The following DLGAP1 variants were observed in gnomAD, a reference collection of about 807,000 sequenced individuals.
The protein encoded by DLGAP1 is DLG associated protein 1, also known as disks large-associated protein 1.
In DLGAP1, 11 loss-of-function variants were observed where a neutral mutation model predicts 90.8. The ratio of observed to expected loss-of-function variants is 0.12; its 90% CI spans 0.08 to 0.20. The LOEUF is 0.20. Among genes scored for constraint, DLGAP1 ranks in the 10% least tolerant of loss-of-function variants. DLGAP1 has a pLI of 1.00. For synonymous variants in DLGAP1, 558 were observed against 540.7 expected, an observed-to-expected ratio of 1.03 and a Z score of -0.44; for missense variants, 1,050 against 1,333.8, an observed-to-expected ratio of 0.79 and a Z score of 3.31.
chr18:4,393,728 G>A (rs966343768), intron 1 of DLGAP1, among the ~76,000 whole-genome samples: 23 of 152,190 alleles, frequency 1.5e-4, no homozygotes, highest in East Asian at 7.7e-4. Flanking sequence ...CAACCCTTTC[G>A]GCACCAGGGA....
chr18:4,357,013 T>C (rs534158707), intron 1 of DLGAP1, among the ~76,000 whole-genome samples: 1 of 152,212 alleles, frequency 6.6e-6, no homozygotes, highest in South Asian at 2.1e-4. Context: ...AATTCTTATC[T>C]TTCCACGCCT....
intron 1 of DLGAP1, among the ~76,000 whole-genome samples, chr18:4,363,410 A>T (rs1424528984): frequency 6.6e-6 from 1 of 152,198 alleles, no homozygotes; most frequent in African/African-American, 2.4e-5. Flanking sequence ...TTAAACATAC[A>T]CTGTAATAAT....
intron 1 of DLGAP1, among the ~76,000 whole-genome samples, chr18:4,197,949 C>T (rs1367189158): frequency 2.6e-5 from 4 of 152,086 alleles, no homozygotes; most frequent in African/African-American, 9.7e-5. Context: ...TGGCCAGGCG[C>T]GGTGGCTCAC....
At chr18:4,340,261 G>C (rs2081161881) in intron 1 of DLGAP1, among the ~76,000 whole-genome samples, 1 of 152,160 alleles carries the variant, frequency 6.6e-6, no homozygotes, top group Non-Finnish European at 1.5e-5. Flanking sequence ...TGGCTACTGA[G>C]GGACTAATGG....
intron 7 of DLGAP1, among the ~76,000 whole-genome samples, chr18:3,677,106 G>T (rs1343071544): frequency 6.6e-6 from 1 of 152,076 alleles, no homozygotes; most frequent in Non-Finnish European, 1.5e-5. Flanking sequence ...CATCCTCTGA[G>T]ATTTCAACAT....
intron 10 of DLGAP1, among the ~76,000 whole-genome samples, chr18:3,514,200 G>T (rs971841676): frequency 7.3e-5 from 11 of 150,402 alleles, no homozygotes; most frequent in African/African-American, 2.4e-4. Context: ...TCCAACTCCC[G>T]AGTTCAAGTG....
intron 7 of DLGAP1, among the ~76,000 whole-genome samples, chr18:3,688,839 G>T (rs2060798864): frequency 2.0e-5 from 3 of 152,036 alleles, no homozygotes. Flanking sequence ...CTTTCATCCG[G>T]CCTCCTTTCT....
chr18:4,209,673 T>C (rs1340164319), intron 1 of DLGAP1, among the ~76,000 whole-genome samples: 1 of 152,212 alleles, frequency 6.6e-6, no homozygotes, highest in African/African-American at 2.4e-5. Context: ...TAAAGCAGGA[T>C]ACTACATTAC....
intron 5 of DLGAP1, among the ~76,000 whole-genome samples, chr18:3,774,992 A>T (rs2064873623): frequency 6.6e-6 from 1 of 152,130 alleles, no homozygotes; most frequent in African/African-American, 2.4e-5. Context: ...TCGCAGGAAG[A>T]AAGACTGAAG....
chr18:3,637,054 C>T (rs2058746198), intron 7 of DLGAP1, among the ~76,000 whole-genome samples: 1 of 152,080 alleles, frequency 6.6e-6, no homozygotes, highest in Non-Finnish European at 1.5e-5. Context: ...GTTCATATGT[C>T]TTTCTAAGGA....
chr18:3,936,973 CT>C (rs1038489539), intron 3 of DLGAP1, among the ~76,000 whole-genome samples: 1 of 152,142 alleles, frequency 6.6e-6, no homozygotes, highest in African/African-American at 2.4e-5. Flanking sequence ...CTCCTTGGCT[CT>C]TATTTAAAAC....
intron 1 of DLGAP1, among the ~76,000 whole-genome samples, chr18:4,334,605 C>A (rs1271895101): frequency 1.3e-5 from 2 of 151,752 alleles, no homozygotes; most frequent in Non-Finnish European, 2.9e-5. Flanking sequence ...ACATGTCATG[C>A]AAATGAACTT....
At chr18:4,090,066 C>T (rs1369459197) in intron 2 of DLGAP1, among the ~76,000 whole-genome samples, 3 of 151,922 alleles carry the variant, frequency 2.0e-5, no homozygotes, top group Non-Finnish European at 4.4e-5. Flanking sequence ...AGAAACTGGA[C>T]CCCTTCCTTA....
chr18:4,301,251 C>G (rs553139181), intron 1 of DLGAP1, among the ~76,000 whole-genome samples: 43 of 152,254 alleles, frequency 2.8e-4, no homozygotes, highest in Non-Finnish European at 5.6e-4. Flanking sequence ...TTCCTCCTAT[C>G]TAACTGAGGC....
intron 2 of DLGAP1, among the ~76,000 whole-genome samples, chr18:4,029,034 A>G (rs1237540872): frequency 1.3e-5 from 2 of 152,116 alleles, no homozygotes; most frequent in Non-Finnish European, 2.9e-5. Flanking sequence ...CCTTCTCCAT[A>G]GTAACCACTC....
intron 2 of DLGAP1, among the ~76,000 whole-genome samples, chr18:4,038,167 C>T (rs187687402): frequency 7.2e-5 from 11 of 152,272 alleles, no homozygotes; most frequent in African/African-American, 2.6e-4. Context: ...TGCAGAGAAT[C>T]AGTCCTATAT....
chr18:4,067,910 C>T (rs2143413980), intron 2 of DLGAP1, among the ~76,000 whole-genome samples: 1 of 152,148 alleles, frequency 6.6e-6, no homozygotes, highest in African/African-American at 2.4e-5. Context: ...GACCAACCAC[C>T]TTGGTTGTAT....
chr18:4,371,932 AG>A (rs1446455692), intron 1 of DLGAP1, among the ~76,000 whole-genome samples: 7 of 152,228 alleles, frequency 4.6e-5, no homozygotes, highest in Non-Finnish European at 1.0e-4. Flanking sequence ...CTTAACCTAA[AG>A]TAATGTATCT....
intron 1 of DLGAP1, among the ~76,000 whole-genome samples, chr18:4,305,407 G>A (rs928607135): frequency 2.6e-5 from 4 of 151,676 alleles, no homozygotes; most frequent in African/African-American, 4.8e-5. Context: ...GGTGGCACGC[G>A]CCTGTAGTCC....
Sources: allele counts gnomAD v4.1 joint callset (sites outside exome capture counted in the v4.1 genomes callset), GRCh38; gene constraint gnomAD v4.1.1; transcripts MANE v1.5; gene names NCBI Gene and HGNC (gene_info 2026-07-23, HGNC 2026-07-21).